The following KCNAB1 variants were observed in gnomAD, a reference collection of about 807,000 sequenced individuals.
KCNAB1 encodes the protein potassium voltage-gated channel subfamily A regulatory beta subunit 1.
KCNAB1 carries 35 observed loss-of-function variants against 64.6 expected under a neutral mutation model. The ratio of observed to expected loss-of-function variants is 0.54; its 90% CI spans 0.41 to 0.72. KCNAB1 has a LOEUF of 0.72. KCNAB1 is among the 30% of genes least tolerant of loss of function. KCNAB1 has a pLI of 0.00. For synonymous variants in KCNAB1, 177 were observed against 183.8 expected (o/e 0.96, Z 0.30); for missense variants, 401 against 512.9 (o/e 0.78, Z 2.11).
intron 1 of KCNAB1, among the ~76,000 whole-genome samples, chr3:156,415,452 C>T (rs940195261): frequency 2.0e-5 from 3 of 152,074 alleles, no homozygotes; most frequent in African/African-American, 7.2e-5. Context: ...TACACCTTTC[C>T]TCTCCTTGGC....
intron 2 of KCNAB1, among the ~76,000 whole-genome samples, chr3:156,430,222 C>A (rs1044794312): frequency 4.6e-5 from 7 of 152,084 alleles, no homozygotes; most frequent in African/African-American, 1.7e-4. Context: ...AGTGTGGCAA[C>A]CTAATATTTC....
chr3:156,180,995 CTCTCCT>C (rs1297352037), intron 1 of KCNAB1, among the ~76,000 whole-genome samples: 1 of 152,180 alleles, frequency 6.6e-6, no homozygotes, highest in Non-Finnish European at 1.5e-5. Flanking sequence ...CCTGAGGCCT[CTCTCCT>C]TGGCTTACAG....
At chr3:156,523,179 T>C (rs1718069973) in intron 11 of KCNAB1, among the ~76,000 whole-genome samples, 1 of 152,226 alleles carries the variant, frequency 6.6e-6, no homozygotes, top group African/African-American at 2.4e-5. Context: ...TAAGTTTCAA[T>C]AGTTATACAA....
At chr3:156,397,327 C>T (rs1036786827) in intron 1 of KCNAB1, among the ~76,000 whole-genome samples, 6 of 152,036 alleles carry the variant, frequency 3.9e-5, no homozygotes, top group African/African-American at 1.4e-4. Flanking sequence ...AGAAATTGGC[C>T]CAAGTTCTCT....
chr3:156,496,947 G>A (rs559755374), intron 8 of KCNAB1, among the ~76,000 whole-genome samples: 1 of 152,204 alleles, frequency 6.6e-6, no homozygotes, highest in East Asian at 1.9e-4. Flanking sequence ...CTTCTGTAAT[G>A]GCCCTTGCAG....
chr3:156,318,565 G>A (rs1235044295), intron 1 of KCNAB1, among the ~76,000 whole-genome samples: 3 of 152,162 alleles, frequency 2.0e-5, no homozygotes, highest in Non-Finnish European at 4.4e-5. Context: ...TGTTTTGTCT[G>A]TTTGTTTGTA....
At chr3:156,312,146 C>G (rs901567188) in intron 1 of KCNAB1, among the ~76,000 whole-genome samples, 1 of 152,166 alleles carries the variant, frequency 6.6e-6, no homozygotes, top group Non-Finnish European at 1.5e-5. Context: ...TGCACAATTG[C>G]AGTGTTAAAT....
chr3:156,208,705 T>G (rs1714813761), intron 1 of KCNAB1, among the ~76,000 whole-genome samples: 1 of 152,190 alleles, frequency 6.6e-6, no homozygotes, highest in South Asian at 2.1e-4. Context: ...TTAATTCTGG[T>G]GTAAGTCAGC....
intron 2 of KCNAB1, among the ~76,000 whole-genome samples, chr3:156,439,346 G>A (rs183132319): frequency 8.6e-5 from 13 of 151,494 alleles, no homozygotes; most frequent in East Asian, 5.8e-4. Flanking sequence ...AATCTCAGGC[G>A]TGTTGGAAGG....
At chr3:156,183,005 T>A (rs541106071) in intron 1 of KCNAB1, among the ~76,000 whole-genome samples, 1 of 152,330 alleles carries the variant, frequency 6.6e-6, no homozygotes, top group East Asian at 1.9e-4. Context: ...GCCGACAGTT[T>A]CATTCTTAAG....
chr3:156,328,965 T>G (rs904891615), intron 1 of KCNAB1, among the ~76,000 whole-genome samples: 2 of 152,172 alleles, frequency 1.3e-5, no homozygotes, highest in Admixed American at 1.3e-4. Context: ...GGTATCCAAA[T>G]GGGAAAAGAT....
intron 1 of KCNAB1, among the ~76,000 whole-genome samples, chr3:156,228,805 C>A (rs1440136468): frequency 6.6e-6 from 1 of 152,250 alleles, no homozygotes; most frequent in African/African-American, 2.4e-5. Context: ...TCTGACCACC[C>A]TATTTCTCCT....
intron 8 of KCNAB1, among the ~76,000 whole-genome samples, chr3:156,493,852 A>G (rs1715813956): frequency 6.6e-6 from 1 of 152,162 alleles, no homozygotes; most frequent in Non-Finnish European, 1.5e-5. Context: ...GACCACAGAT[A>G]TAATGTTGTA....
intron 1 of KCNAB1, among the ~76,000 whole-genome samples, chr3:156,179,559 A>G (rs1032694997): frequency 6.6e-6 from 1 of 151,780 alleles, no homozygotes; most frequent in Non-Finnish European, 1.5e-5. Context: ...CTCAGAAGGC[A>G]CCTGTCATGG....
At chr3:156,322,107 C>A (rs1380980107) in intron 1 of KCNAB1, among the ~76,000 whole-genome samples, 1 of 152,178 alleles carries the variant, frequency 6.6e-6, no homozygotes, top group African/African-American at 2.4e-5. Flanking sequence ...GATGCTCACT[C>A]GCACAGCGAC....
chr3:156,312,371 G>A (rs1721966571), intron 1 of KCNAB1, among the ~76,000 whole-genome samples: 1 of 152,128 alleles, frequency 6.6e-6, no homozygotes, highest in Admixed American at 6.5e-5. Flanking sequence ...CAGTAAGAAG[G>A]AGACTTTTCA....
intron 6 of KCNAB1, 115 bp from the exon 7 acceptor site, chr3:156,465,528 A>G (rs58686729): frequency 0.01 from 8,712 of 843,922 alleles, 244 homozygotes; most frequent in African/African-American, 0.067. Context: ...GCCTCCCTCC[A>G]GTGGTGTAGA....
chr3:156,531,401 C>T lies in KCNAB1; in HGVS notation c.1082-8C>T, dbSNP rs753757480. ...TTGATAAACTGACCCAGTGTCCTCT[C>T]CTCCCAGCGTGGTGCCTGAGAAATG... is the stretch of plus-strand genomic sequence containing the variant. On this transcript the variant is annotated splice_polypyrimidine_tract_variant and splice_region_variant and intron_variant, in intron 12 of 13. Coordinates refer to ENST00000490337, the MANE Select transcript of KCNAB1 (RefSeq NM_172160.3). 3 of 1,606,280 alleles carry T rather than the reference C, an allele frequency of 1.9e-6. No individual in the cohort carries two copies. Among genetic ancestry groups the T allele is most frequent in the Non-Finnish European group, 1.7e-6 (2 of 1,172,864 alleles).
chr3:156,198,291 A>T (rs953719956), intron 1 of KCNAB1, among the ~76,000 whole-genome samples: 7 of 152,312 alleles, frequency 4.6e-5, no homozygotes, highest in Admixed American at 1.3e-4. Flanking sequence ...AGTTCTGTAG[A>T]TGTCTATTAG....
Sources: gnomAD v4.1 joint callset for allele counts (sites outside exome capture counted in the v4.1 genomes callset) on GRCh38, gnomAD v4.1.1 for gene constraint, MANE v1.5 for transcripts, NCBI Gene and HGNC (gene_info 2026-07-23, HGNC 2026-07-21) for gene names.